ASTN1: variants seen among roughly 807,000 people sequenced by gnomAD.
ASTN1 encodes astrotactin 1, also known as astrotactin-1.
ASTN1 carries 41 observed loss-of-function variants against 140.7 expected under a neutral mutation model. The ratio of observed to expected loss-of-function variants is 0.29; its 90% confidence interval spans 0.23 to 0.38. ASTN1 has a LOEUF of 0.38. Ranked by LOEUF, ASTN1 falls within the 10% of genes least tolerant of loss-of-function variation. The pLI, the probability that ASTN1 is intolerant of heterozygous loss-of-function variation, is 1.00. For missense variants in ASTN1, 1,479 were observed against 1,678.8 expected (o/e 0.88, Z 2.08); for synonymous variants, 640 against 652.2 (o/e 0.98, Z 0.29).
intron 16 of ASTN1, among the ~76,000 whole-genome samples, chr1:176,932,316 T>C (rs1195699147): frequency 6.6e-6 from 1 of 152,196 alleles, no homozygotes; most frequent in Non-Finnish European, 1.5e-5. Flanking sequence ...AAAGTTCCGT[T>C]CTGTATCAGC....
At chr1:176,903,012 G>T (rs1194822425) in intron 16 of ASTN1, among the ~76,000 whole-genome samples, 1 of 152,182 alleles carries the variant, frequency 6.6e-6, no homozygotes, top group Non-Finnish European at 1.5e-5. Flanking sequence ...TGCTTGAGTT[G>T]CCATGGTTCT....
chr1:177,133,882 C>T (rs912222437), intron 1 of ASTN1, among the ~76,000 whole-genome samples: 1 of 152,208 alleles, frequency 6.6e-6, no homozygotes, highest in South Asian at 2.1e-4. Flanking sequence ...TAAGCACATA[C>T]ATTAATTCAT....
intron 1 of ASTN1, among the ~76,000 whole-genome samples, chr1:177,103,632 C>G (rs940915032): frequency 6.6e-6 from 1 of 152,094 alleles, no homozygotes; most frequent in African/African-American, 2.4e-5. Context: ...TAATAGCTGG[C>G]ACATGACTGG....
chr1:176,867,737 G>T (rs1225833943), intron 22 of ASTN1, among the ~76,000 whole-genome samples: 1 of 152,114 alleles, frequency 6.6e-6, no homozygotes, highest in Non-Finnish European at 1.5e-5. Flanking sequence ...CTCAATGATG[G>T]TCTTCTGGGA....
intron 11 of ASTN1, among the ~76,000 whole-genome samples, chr1:176,950,797 G>A (rs142840905): frequency 1.6e-3 from 244 of 151,978 alleles, no homozygotes; most frequent in Middle Eastern, 6.8e-3. Flanking sequence ...TATACATATC[G>A]CCAACAAGTT....
At chr1:176,960,437 T>A (rs1251958221) in intron 9 of ASTN1, among the ~76,000 whole-genome samples, 1 of 152,268 alleles carries the variant, frequency 6.6e-6, no homozygotes, top group African/African-American at 2.4e-5. Context: ...TTACAATTTA[T>A]GTAACTGATT....
chr1:177,112,009 C>T (rs1680844451), intron 1 of ASTN1, among the ~76,000 whole-genome samples: 1 of 152,186 alleles, frequency 6.6e-6, no homozygotes, highest in South Asian at 2.1e-4. Flanking sequence ...CTTTCCATTT[C>T]ACACTCCTTT....
intron 1 of ASTN1, among the ~76,000 whole-genome samples, chr1:177,117,478 G>C (rs1248824484): frequency 6.6e-6 from 1 of 151,988 alleles, no homozygotes; most frequent in African/African-American, 2.4e-5. Context: ...TTGAGCTCTT[G>C]GGGTATATAA....
intron 14 of ASTN1, among the ~76,000 whole-genome samples, chr1:176,942,415 T>C (rs1299039233): frequency 6.6e-6 from 1 of 152,064 alleles, no homozygotes; most frequent in Non-Finnish European, 1.5e-5. Context: ...CCTACATCTC[T>C]TCCCATTCAG....
chr1:176,879,956 C>T (rs12137655), intron 20 of ASTN1, among the ~76,000 whole-genome samples: 9,107 of 152,218 alleles, frequency 0.06, 351 homozygotes, highest in Non-Finnish European at 0.087. Context: ...ATGCCATGTG[C>T]GGTCATCTCA....
chr1:176,890,209 C>A (rs1669202866), intron 17 of ASTN1, among the ~76,000 whole-genome samples: 1 of 152,118 alleles, frequency 6.6e-6, no homozygotes, highest in Admixed American at 6.5e-5. Context: ...GTGGTTAGAA[C>A]CTCAAAGGAA....
chr1:177,145,112 G>C (rs1270561389), intron 1 of ASTN1, among the ~76,000 whole-genome samples: 2 of 152,124 alleles, frequency 1.3e-5, no homozygotes, highest in African/African-American at 4.8e-5. Context: ...ATAACTCTCA[G>C]ATTCCTTTAA....
chr1:176,858,583 C>T (rs1290609281), downstream of ASTN1, among the ~76,000 whole-genome samples: 1 of 152,172 alleles, frequency 6.6e-6, no homozygotes, highest in African/African-American at 2.4e-5. Flanking sequence ...GTGAGAGTCA[C>T]AATTTCTTGG....
chr1:177,060,909 C>T (rs562366072), intron 2 of ASTN1, among the ~76,000 whole-genome samples, 169 bp downstream of exon 2: 3 of 152,284 alleles, frequency 2.0e-5, no homozygotes, highest in South Asian at 4.1e-4. Context: ...GCAATTATTA[C>T]TTACATCACA....
rs1384453038 is a variant in ASTN1 at position 177,141,346 on chromosome 1, CTT to C, written c.283+23046_283+23047del. Among the ~76,000 whole-genome samples, 6 of 152,274 alleles carry C rather than the reference CTT, an allele frequency of 3.9e-5. No homozygotes were observed. In the East Asian group the frequency reaches 1.2e-3, roughly 29 times the overall value. On this transcript the variant is annotated intron_variant, in intron 1 of 22. Coordinates refer to ENST00000361833, the MANE Select transcript of ASTN1 (RefSeq NM_004319.3). Reference sequence around the variant, plus strand: ...CAATGAATGATGGGGGCTTGGGGAACTTCTCTTCTCCAGGATTCATGCTTCCA... The same window carrying C: ...CAATGAATGATGGGGGCTTGGGGAACCTCTTCTCCAGGATTCATGCTTCCA...
intron 16 of ASTN1, among the ~76,000 whole-genome samples, chr1:176,923,648 G>A (rs1044155284): frequency 2.0e-5 from 3 of 151,820 alleles, no homozygotes; most frequent in Admixed American, 6.6e-5. Flanking sequence ...ATCTCCTACC[G>A]ATTTATAAAT....
chr1:176,888,349 T>A, intron 17 of ASTN1, 145 bp from the exon 18 acceptor site: 1 of 1,002,494 alleles, frequency 1.0e-6, no homozygotes, highest in Non-Finnish European at 1.5e-6. Flanking sequence ...TGTCTCAAAT[T>A]CTGATTCCAG....
intron 3 of ASTN1, among the ~76,000 whole-genome samples, chr1:177,032,156 G>A (rs954345338): frequency 6.6e-6 from 1 of 152,154 alleles, no homozygotes; most frequent in African/African-American, 2.4e-5. Context: ...TTCCCAGAGG[G>A]TTGCTCATTA....
chr1:176,917,702 G>A (rs902201771), intron 16 of ASTN1, among the ~76,000 whole-genome samples: 5 of 152,080 alleles, frequency 3.3e-5, no homozygotes, highest in African/African-American at 9.7e-5. Flanking sequence ...AAGGACACAG[G>A]GTCTGTGGAC....
Sources: allele counts gnomAD v4.1 joint callset (sites outside exome capture counted in the v4.1 genomes callset), GRCh38; gene constraint gnomAD v4.1.1; transcripts MANE v1.5; gene names NCBI Gene and HGNC (gene_info 2026-07-23, HGNC 2026-07-21).